Variants in OR51B5 observed in about 807,000 individuals in gnomAD.
OR51B5 encodes olfactory receptor 51B5.
For synonymous variants in OR51B5, 186 were observed against 144.8 expected, an observed-to-expected ratio of 1.28 and a Z score of -2.04; for missense variants, 456 against 374.6, an observed-to-expected ratio of 1.22 and a Z score of -1.79.
At chr11:5,393,405 C>T (rs958678292) in intron 1 of OR51B5, 1 of 151,848 alleles carries the variant, frequency 6.6e-6, no homozygotes, top group African/African-American at 2.4e-5. Flanking sequence ...AAATTAGGTA[C>T]AGAACAATCA....
At chr11:5,373,821 G>A (rs1849480445) in intron 1 of OR51B5, among the ~76,000 whole-genome samples, 1 of 152,204 alleles carries the variant, frequency 6.6e-6, no homozygotes, top group South Asian at 2.1e-4. Flanking sequence ...AAACAAAGCA[G>A]CCAGGAAGCT....
chr11:5,423,343 G>A, intron 1 of OR51B5: 1 of 587,082 alleles, frequency 1.7e-6, no homozygotes, highest in East Asian at 3.0e-5. Context: ...AAAGAGATAT[G>A]GATCTGAGTT....
upstream of OR51B5, chr11:5,346,796 A>G (rs1446469230): frequency 6.6e-6 from 1 of 152,144 alleles, no homozygotes; most frequent in Non-Finnish European, 1.5e-5. Context: ...CACTCTTTAT[A>G]TATCTAGGAG....
At chr11:5,483,217 T>C (rs1473386201) in intron 1 of OR51B5, among the ~76,000 whole-genome samples, 4 of 147,502 alleles carry the variant, frequency 2.7e-5, no homozygotes, top group Non-Finnish European at 6.0e-5. Flanking sequence ...GAGACATGGA[T>C]GAAATTGGAA....
intron 1 of OR51B5, among the ~76,000 whole-genome samples, chr11:5,424,344 A>C (rs1431218189): frequency 6.7e-6 from 1 of 149,214 alleles, no homozygotes; most frequent in African/African-American, 2.6e-5. Context: ...GGAAAACAAA[A>C]CAAACAAACA....
downstream of OR51B5, chr11:5,342,583 A>C: frequency 6.4e-7 from 1 of 1,566,922 alleles, no homozygotes; most frequent in East Asian, 2.2e-5. Context: ...TGATGATTGG[A>C]GATCAGGTTC....
At chr11:5,387,443 A>T (rs1050915465) in intron 1 of OR51B5, among the ~76,000 whole-genome samples, 8 of 152,150 alleles carry the variant, frequency 5.3e-5, no homozygotes, top group African/African-American at 1.9e-4. Context: ...GAAATGGAAA[A>T]GATAAATGTG....
At chr11:5,431,917 T>G (rs1452895437) in intron 1 of OR51B5, among the ~76,000 whole-genome samples, 4 of 152,204 alleles carry the variant, frequency 2.6e-5, no homozygotes, top group African/African-American at 9.7e-5. Flanking sequence ...TTTGTACATA[T>G]TTATGGGATA....
intron 1 of OR51B5, chr11:5,390,274 C>A: frequency 6.2e-7 from 1 of 1,613,998 alleles, no homozygotes; most frequent in South Asian, 1.1e-5. Flanking sequence ...CCAATGTCTA[C>A]CTTTTTGTGC....
chr11:5,447,718 G>A (rs1850788054), intron 1 of OR51B5, among the ~76,000 whole-genome samples: 1 of 152,200 alleles, frequency 6.6e-6, no homozygotes, highest in South Asian at 2.1e-4. Context: ...CAGGAAGAAG[G>A]AACTTGTACC....
chr11:5,353,496 G>A (rs867422280), intron 1 of OR51B5, among the ~76,000 whole-genome samples: 1 of 152,068 alleles, frequency 6.6e-6, no homozygotes, highest in African/African-American at 2.4e-5. Flanking sequence ...GGAAGGGAGA[G>A]GATGGAGGCA....
At chr11:5,489,494 T>G (rs200176225) in intron 1 of OR51B5, 86 of 1,614,034 alleles carry the variant, frequency 5.3e-5, no homozygotes, top group Non-Finnish European at 7.2e-5. Context: ...TTCTCCTTCC[T>G]CACCCACCGC....
intron 1 of OR51B5, chr11:5,423,204 G>A (rs1386294647): frequency 1.4e-6 from 2 of 1,477,192 alleles, no homozygotes; most frequent in African/African-American, 1.4e-5. Flanking sequence ...AGGCTTAAGG[G>A]GGGAATATAT....
At chr11:5,374,108 C>T (rs7125862) in intron 1 of OR51B5, among the ~76,000 whole-genome samples, 35,969 of 151,996 alleles carry the variant, frequency 0.24, 4,483 homozygotes, top group Non-Finnish European at 0.26. Flanking sequence ...ACACCTCACA[C>T]GGCCAGGTAC....
intron 1 of OR51B5, among the ~76,000 whole-genome samples, chr11:5,476,361 C>T (rs1851305437): frequency 6.6e-6 from 1 of 152,270 alleles, no homozygotes; most frequent in African/African-American, 2.4e-5. Context: ...AGTGACAACA[C>T]CAGCATTTGA....
intron 1 of OR51B5, among the ~76,000 whole-genome samples, chr11:5,459,970 T>C (rs1851023437): frequency 6.6e-6 from 1 of 152,056 alleles, no homozygotes; most frequent in South Asian, 2.1e-4. Context: ...AGACATGGAA[T>C]CAACCCAAAT....
intron 1 of OR51B5, among the ~76,000 whole-genome samples, chr11:5,375,128 A>T (rs910920220): frequency 1.3e-5 from 2 of 148,702 alleles, no homozygotes; most frequent in East Asian, 1.9e-4. Context: ...GACTAACAGC[A>T]GCTCTCTTGG....
At chr11:5,462,129 C>G (rs185345309) in intron 1 of OR51B5, among the ~76,000 whole-genome samples, 6 of 152,118 alleles carry the variant, frequency 3.9e-5, no homozygotes, top group African/African-American at 1.4e-4. Context: ...TAAAGTAATG[C>G]TTTTGTCTTG....
upstream of OR51B5, chr11:5,346,291 G>A (rs570300638): frequency 1.0e-3 from 159 of 152,198 alleles, no homozygotes; most frequent in African/African-American, 3.5e-3. Flanking sequence ...AGTGATCTAT[G>A]GAATCACTCT....
Sources: allele counts gnomAD v4.1 joint callset (sites outside exome capture counted in the v4.1 genomes callset), GRCh38; gene constraint gnomAD v4.1.1; transcripts MANE v1.5; gene names NCBI Gene and HGNC (gene_info 2026-07-23, HGNC 2026-07-21).